Variants in ZMYND11 observed in about 807,000 individuals in gnomAD.
The protein encoded by ZMYND11 is zinc finger MYND-type containing 11.
A neutral mutation model predicts 84.9 loss-of-function variants in ZMYND11; 9 were observed. The ratio of observed to expected loss-of-function variants is 0.11; its 90% confidence interval spans 0.06 to 0.18. ZMYND11 has a LOEUF of 0.18. ZMYND11 is among the 10% of genes least tolerant of loss of function. ZMYND11 has a pLI of 1.00. For synonymous variants in ZMYND11, 250 were observed against 244.1 expected (o/e 1.02, Z -0.23); for missense variants, 409 against 761.0 (o/e 0.54, Z 5.44).
chr10:230,059 AGAG>A (rs1229984091), intron 4 of ZMYND11, among the ~76,000 whole-genome samples: 1 of 152,248 alleles, frequency 6.6e-6, no homozygotes, highest in Non-Finnish European at 1.5e-5. Flanking sequence ...TTACAATTAT[AGAG>A]GAGATTTAGG....
chr10:226,692 C>T (rs963976996), intron 4 of ZMYND11, among the ~76,000 whole-genome samples: 24 of 152,036 alleles, frequency 1.6e-4, no homozygotes, highest in African/African-American at 7.2e-5. Context: ...GTGAGCTACC[C>T]GTTTTCTTTT....
At chr10:195,507 G>A (rs1941513992) in intron 2 of ZMYND11, among the ~76,000 whole-genome samples, 1 of 152,118 alleles carries the variant, frequency 6.6e-6, no homozygotes, top group South Asian at 2.1e-4. Flanking sequence ...ATAAACTATA[G>A]CCTCACACAT....
At chr10:248,774 A>C in intron 13 of ZMYND11, 129 bp from the exon 14 acceptor site, 1 of 1,409,116 alleles carries the variant, frequency 7.1e-7, no homozygotes, top group Non-Finnish European at 9.5e-7. Context: ...TTCCTCACCT[A>C]AATTTTTTAC....
rs1950080454 is a variant in ZMYND11 at position 236,867 on chromosome 10, G to A, written c.468G>A (p.Gln156=). The A allele has an allele frequency of 3.1e-6, 5 of 1,612,814 alleles. No homozygotes were observed. Among genetic ancestry groups the A allele is most frequent in the Non-Finnish European group, 4.2e-6 (5 of 1,179,642 alleles). ...RSIKKKNTNK[Q]EMGTYLRFIV... is the part of the protein sequence containing the mutation. ...TTAAGAAGAAGAATACAAACAAACA[G>A]GAGATGGGCACATACCTCAGATTCA... The change falls in exon 5 of 15, where the codon CAG becomes CAA. Residue 156 remains glutamine, a synonymous_variant. Transcript: ENST00000381604.
chr10:226,845 C>G (rs1564415778), intron 4 of ZMYND11, among the ~76,000 whole-genome samples: 1 of 152,014 alleles, frequency 6.6e-6, no homozygotes, highest in Non-Finnish European at 1.5e-5. Context: ...GTGTACATCC[C>G]ACTTTGAAAT....
Position 254,384 on chromosome 10 carries a change from G to GA in ZMYND11, c.*1915dup, listed in dbSNP as rs1954012970. On this transcript the variant is annotated 3_prime_UTR_variant, in exon 15 of 15. Transcript: ENST00000381604. The stretch of plus-strand genomic sequence containing the variant: ...AAAAAAAAACAAAATTAAAAAAAGA[G>GA]ATTGTGGCCTGGTTTTGTAAAAGTT... The GA allele has an allele frequency of 6.6e-6, 1 of 152,558 alleles. No homozygotes were observed. Among genetic ancestry groups the GA allele is most frequent in the South Asian group, 2.1e-4 (1 of 4,826 alleles). 9.5% of individuals were successfully genotyped at this position (152,558 alleles called of 1,614,324 possible).
chr10:226,308 TG>T (rs2131509935), intron 4 of ZMYND11, among the ~76,000 whole-genome samples: 1 of 152,348 alleles, frequency 6.6e-6, no homozygotes, highest in South Asian at 2.1e-4. Flanking sequence ...GTGTTGCTTT[TG>T]CTCTAATGCC....
intron 2 of ZMYND11, among the ~76,000 whole-genome samples, chr10:189,897 TAGTC>T (rs748565521): frequency 6.6e-6 from 1 of 152,002 alleles, no homozygotes; most frequent in African/African-American, 2.4e-5. Flanking sequence ...GGTACAGAAA[TAGTC>T]AGGCCTTGAT....
chr10:208,344 A>T (rs898756578), intron 2 of ZMYND11, among the ~76,000 whole-genome samples: 2 of 152,222 alleles, frequency 1.3e-5, no homozygotes, highest in Non-Finnish European at 2.9e-5. Context: ...CTGCCATCAG[A>T]GTGAACAGGC....
chr10:215,046 T>C (rs1048783681), intron 3 of ZMYND11, among the ~76,000 whole-genome samples: 2 of 152,234 alleles, frequency 1.3e-5, no homozygotes, highest in East Asian at 3.9e-4. Flanking sequence ...TCAAATAATG[T>C]CGTTTGCAAT....
At chr10:196,613 T>C (rs977495850) in intron 2 of ZMYND11, among the ~76,000 whole-genome samples, 1 of 152,218 alleles carries the variant, frequency 6.6e-6, no homozygotes, top group Admixed American at 6.5e-5. Flanking sequence ...GTTGTGTTAA[T>C]ATAGATTGTG....
chr10:156,376 A>G (rs143393439), intron 1 of ZMYND11, among the ~76,000 whole-genome samples: 3 of 152,358 alleles, frequency 2.0e-5, no homozygotes, highest in Non-Finnish European at 2.9e-5. Flanking sequence ...TACAGTTGCA[A>G]TCACATCTTA....
intron 1 of ZMYND11, among the ~76,000 whole-genome samples, chr10:162,958 T>G (rs1843236506): frequency 6.6e-6 from 1 of 152,184 alleles, no homozygotes; most frequent in African/African-American, 2.4e-5. Flanking sequence ...GTTCCCTGCC[T>G]TCTTCTGTGT....
chr10:134,952 C>T (rs1835538504), upstream of ZMYND11: 1 of 149,668 alleles, frequency 6.7e-6, no homozygotes, highest in Non-Finnish European at 1.5e-5. Flanking sequence ...CCGGGCCGGC[C>T]GCGCGCAAGT....
At chr10:198,303 G>T (rs1331698932) in intron 2 of ZMYND11, among the ~76,000 whole-genome samples, 1 of 151,838 alleles carries the variant, frequency 6.6e-6, no homozygotes, top group Non-Finnish European at 1.5e-5. Flanking sequence ...TTTAAATATG[G>T]TCACTGCATA....
intron 2 of ZMYND11, among the ~76,000 whole-genome samples, chr10:192,495 G>C (rs1940707440): frequency 6.6e-6 from 1 of 152,160 alleles, no homozygotes; most frequent in Admixed American, 6.5e-5. Context: ...GATGTCTTCA[G>C]TTTCCTTCCA....
At chr10:235,862 A>T (rs150584914) in intron 4 of ZMYND11, among the ~76,000 whole-genome samples, 1 of 152,218 alleles carries the variant, frequency 6.6e-6, no homozygotes, top group African/African-American at 2.4e-5. Context: ...TAGATATTTT[A>T]TGTGTTTATA....
chr10:161,950 G>C (rs868917323), intron 1 of ZMYND11, among the ~76,000 whole-genome samples: 1 of 152,080 alleles, frequency 6.6e-6, no homozygotes, highest in African/African-American at 2.4e-5. Context: ...CTTTACATTC[G>C]CAGCTGGGAT....
chr10:153,337 CAT>C (rs1554757673), intron 1 of ZMYND11, among the ~76,000 whole-genome samples: 1 of 152,060 alleles, frequency 6.6e-6, no homozygotes, highest in Non-Finnish European at 1.5e-5. Context: ...AAAATGTTAA[CAT>C]ATCATCTGTT....
Sources: allele counts gnomAD v4.1 joint callset (sites outside exome capture counted in the v4.1 genomes callset), GRCh38; gene constraint gnomAD v4.1.1; transcripts MANE v1.5; gene names NCBI Gene and HGNC (gene_info 2026-07-23, HGNC 2026-07-21).